GPALPP1: variants seen among roughly 807,000 people sequenced by gnomAD.
GPALPP1 encodes the protein GPALPP motifs containing 1.
In GPALPP1, 30 loss-of-function variants were observed where a neutral mutation model predicts 38.9. The observed-to-expected ratio is 0.77, with a 90% CI of 0.58 to 1.05. The LOEUF is 1.05. Among genes scored for constraint, GPALPP1 ranks in the 50% least tolerant of loss-of-function variants. GPALPP1 has a pLI of 0.00. For missense variants in GPALPP1, 384 were observed against 408.8 expected (o/e 0.94, Z 0.52); for synonymous variants, 120 against 139.2 (o/e 0.86, Z 0.97).
intron 1 of GPALPP1, among the ~76,000 whole-genome samples, chr13:44,992,492 T>G (rs1297778907): frequency 6.6e-6 from 1 of 152,226 alleles, no homozygotes; most frequent in Non-Finnish European, 1.5e-5. Context: ...TTTTAATTTT[T>G]TTCTTTTATG....
chr13:45,015,076 G>C lies in GPALPP1; in HGVS notation c.533G>C (p.Gly178Ala). The C allele has an allele frequency of 6.3e-7, 1 of 1,595,004 alleles. No homozygotes were observed. The highest frequency in any genetic ancestry group is 8.6e-7 in the Non-Finnish European group (1 of 1,168,722). The change falls in exon 5 of 8, where the codon GGA becomes GCA. Residue 178 changes from glycine (G) to alanine (A), a missense_variant. Transcript: ENST00000379151. ...AQRMKEKLTKGDDDSSKPIVR... is the reference protein window; with the variant it reads ...AQRMKEKLTKADDDSSKPIVR... The stretch of plus-strand genomic sequence containing the variant: ...AGAATGAAAGAAAAACTGACCAAAG[G>C]AGATGATGTAAGTTTTAAAAACACT...
At position 45,030,249 on chromosome 13, in the gene GPALPP1, AG is replaced by A. The variant is rs1188298184; in HGVS notation, c.*2247del. On this transcript the variant is annotated 3_prime_UTR_variant, in exon 8 of 8. Transcript: ENST00000379151. ...CTTAAGATGATAAATTTATAAGATG[AG>A]AAATTCTATTTAAACTATTAAACTA... The A allele has an allele frequency of 1.3e-5, 2 of 152,240 alleles. No homozygotes were observed. The highest frequency in any genetic ancestry group is 4.8e-5 in the African/African-American group (2 of 41,458). The allele number at this position is 152,240 out of a possible 1,614,324, so 9.4% of individuals were successfully genotyped here. A position where few individuals can be genotyped will look rare whatever the true frequency, so the allele number is the denominator to read the frequency against.
rs550769460 is a variant in GPALPP1, at chr13:45,029,352, A to G, written c.*1349A>G. 7.2e-5 allele frequency: 11 copies of G among 152,310 alleles called. No homozygotes were observed. Among genetic ancestry groups the G allele is most frequent in the African/African-American group, 2.6e-4 (11 of 41,566 alleles). The allele number at this position is 152,310 out of a possible 1,614,324, so 9.4% of individuals were successfully genotyped here. ...TACTTTAATCTTAAAAAACATACAA[A>G]TTTACCTTGTTCTGTATGTCCTTTT... On this transcript the variant is annotated 3_prime_UTR_variant, in exon 8 of 8. Coordinates refer to ENST00000379151, the MANE Select transcript of GPALPP1 (RefSeq NM_018559.5).
At chr13:44,992,152 A>T (rs1268702896) in intron 1 of GPALPP1, among the ~76,000 whole-genome samples, 2 of 152,210 alleles carry the variant, frequency 1.3e-5, no homozygotes, top group Non-Finnish European at 2.9e-5. Context: ...GTTGTTCCAC[A>T]TTCTAATATT....
chr13:44,989,572 C>T lies in GPALPP1; in HGVS notation c.-83C>T, dbSNP rs544453157. On this transcript the variant is annotated 5_prime_UTR_variant, in exon 1 of 8. Transcript: ENST00000379151. ...CGGCGCCGGGAAACCTGCCATTCTT[C>T]GCTGCTGATCGCGGGATTCTTTTTG... 1.3e-5 allele frequency: 20 copies of T among 1,484,916 alleles called. No homozygotes were observed. In the African/African-American group the frequency reaches 2.5e-4, roughly 19 times the overall value. 92.0% of individuals were successfully genotyped at this position (1,484,916 alleles called of 1,614,324 possible). A position where few individuals can be genotyped will look rare whatever the true frequency, so the allele number is the denominator to read the frequency against.
At position 45,027,915 on chromosome 13, in the gene GPALPP1, T is replaced by C. The variant is rs1330161363; in HGVS notation, c.935T>C (p.Phe312Ser). Residue 312 changes from phenylalanine to serine, a missense_variant, in exon 8 of 8, where the codon TTT becomes TCT. Transcript: ENST00000379151. ...DRDKDLKVNR[F>S]DEAQKKALIK... ...GATAAAGATCTCAAGGTTAATCGGT[T>C]TGATGAAGCTCAGAAAAAAGCCCTA... The C allele has an allele frequency of 6.2e-7, 1 of 1,611,070 alleles. No homozygotes were observed. Among genetic ancestry groups the C allele is most frequent in the African/African-American group, 1.3e-5 (1 of 74,842 alleles).
chr13:44,999,697 A>T (rs1873532053), intron 1 of GPALPP1, among the ~76,000 whole-genome samples: 1 of 152,118 alleles, frequency 6.6e-6, no homozygotes, highest in African/African-American at 2.4e-5. Flanking sequence ...CTCCTGCCTC[A>T]GCCTCCTGAG....
At chr13:45,025,326 AG>A (rs1326618272) in intron 7 of GPALPP1, among the ~76,000 whole-genome samples, 1 of 152,218 alleles carries the variant, frequency 6.6e-6, no homozygotes, top group East Asian at 1.9e-4. Flanking sequence ...GTTTACAAAA[AG>A]TATTATTAAT....
At chr13:45,025,284 T>A (rs555193716) in intron 7 of GPALPP1, among the ~76,000 whole-genome samples, 1 of 152,372 alleles carries the variant, frequency 6.6e-6, no homozygotes, top group East Asian at 1.9e-4. Flanking sequence ...TTTGAACAAT[T>A]TGAGTTATTC....
At chr13:45,032,560 C>T (rs572726007), downstream of GPALPP1, among the ~76,000 whole-genome samples, 47 of 151,684 alleles carry the variant, frequency 3.1e-4, no homozygotes, top group African/African-American at 1.1e-3. Flanking sequence ...CGCCCACCAC[C>T]GTGCCCAGCT....
chr13:45,015,172 ATATTT>A (rs1874757517), intron 5 of GPALPP1, 89 bp downstream of exon 5: 1 of 885,016 alleles, frequency 1.1e-6, no homozygotes, highest in South Asian at 2.9e-5. Flanking sequence ...AACTTTTAAT[ATATTT>A]TGTTTTTATG....
intron 4 of GPALPP1, among the ~76,000 whole-genome samples, chr13:45,014,100 C>T (rs1208835107): frequency 5.3e-5 from 8 of 152,172 alleles, no homozygotes; most frequent in Non-Finnish European, 1.2e-4. Context: ...CTTTATTAAA[C>T]CATCTCTTAT....
intron 6 of GPALPP1, among the ~76,000 whole-genome samples, chr13:45,017,912 T>TGTGA (rs1197283031): frequency 4.6e-5 from 7 of 152,208 alleles, no homozygotes; most frequent in Non-Finnish European, 8.8e-5. Flanking sequence ...CTATATAGTA[T>TGTGA]CACAGAGCTA....
chr13:45,000,026 G>A (rs1052323631), intron 1 of GPALPP1, among the ~76,000 whole-genome samples: 2 of 152,010 alleles, frequency 1.3e-5, no homozygotes, highest in Admixed American at 6.6e-5. Context: ...TTTTTAAAAG[G>A]CCAGGTTTTC....
rs769149339 is a variant in GPALPP1, at chr13:45,028,023, G to T, written c.*20G>T. 2 of 1,303,812 alleles carry T rather than the reference G, an allele frequency of 1.5e-6. No individual in the cohort carries two copies. Among genetic ancestry groups the T allele is most frequent in the Non-Finnish European group, 2.2e-6 (2 of 901,850 alleles). 80.8% of individuals were successfully genotyped at this position (1,303,812 alleles called of 1,614,324 possible). ...TTATAAGTAAGTATATTTCAGTGAGGTATATTTTAATACTGATCAATGTGA... is the reference window on the plus strand; with the variant it reads ...TTATAAGTAAGTATATTTCAGTGAGTTATATTTTAATACTGATCAATGTGA... On this transcript the variant is annotated 3_prime_UTR_variant, in exon 8 of 8. Coordinates refer to ENST00000379151, the MANE Select transcript of GPALPP1 (RefSeq NM_018559.5).
Position 45,029,790 on chromosome 13 carries a change from T to G in GPALPP1, c.*1787T>G, listed in dbSNP as rs1435888719. Reference sequence around the variant, plus strand: ...GCACTCAGGGCTTTTTATTTGTTATTTAATTTTTTAATTGTTTTTAAGTCA... The same window carrying G: ...GCACTCAGGGCTTTTTATTTGTTATGTAATTTTTTAATTGTTTTTAAGTCA... On this transcript the variant is annotated 3_prime_UTR_variant, in exon 8 of 8. Coordinates refer to ENST00000379151, the MANE Select transcript of GPALPP1 (RefSeq NM_018559.5). 6.6e-6 allele frequency: 1 copy of G among 152,232 alleles called. No individual in the cohort carries two copies. The highest frequency in any genetic ancestry group is 1.5e-5 in the Non-Finnish European group (1 of 68,042). 9.4% of individuals were successfully genotyped at this position (152,232 alleles called of 1,614,324 possible).
At chr13:44,995,548 G>T (rs1473744727) in intron 1 of GPALPP1, among the ~76,000 whole-genome samples, 1 of 152,150 alleles carries the variant, frequency 6.6e-6, no homozygotes, top group East Asian at 1.9e-4. Flanking sequence ...TTCCTCCCCT[G>T]ACAGGATTTT....
At chr13:45,032,937 T>C (rs1876273148), downstream of GPALPP1, among the ~76,000 whole-genome samples, 1 of 151,164 alleles carries the variant, frequency 6.6e-6, no homozygotes, top group South Asian at 2.1e-4. Flanking sequence ...CTCGGGAGGC[T>C]GAGGCAGAAG....
rs543525652 is a variant in GPALPP1 at position 44,993,357 on chromosome 13, C to T, written c.88+3615C>T. Among the ~76,000 whole-genome samples the T allele has an allele frequency of 4.6e-5, 7 of 152,246 alleles. No individual in the cohort carries two copies. In the South Asian group the frequency reaches 1.2e-3, roughly 27 times the overall value. On this transcript the variant is annotated intron_variant, in intron 1 of 7. Coordinates refer to ENST00000379151, the MANE Select transcript of GPALPP1 (RefSeq NM_018559.5). ...GTAATTCTACAACATTTTGAGAGGC[C>T]GGGCACGGTGACTCACACCTGTAAT... is the stretch of plus-strand genomic sequence containing the variant.
Sources: allele counts gnomAD v4.1 joint callset (sites outside exome capture counted in the v4.1 genomes callset), GRCh38; gene constraint gnomAD v4.1.1; transcripts MANE v1.5; gene names NCBI Gene and HGNC (gene_info 2026-07-23, HGNC 2026-07-21).